ETS1: variants seen among roughly 807,000 people sequenced by gnomAD.
The protein encoded by ETS1 is ETS proto-oncogene 1, transcription factor.
In ETS1, 15 loss-of-function variants were observed where a neutral mutation model predicts 58.6. That is an observed-to-expected ratio of 0.26 (90% CI 0.17 to 0.39). ETS1 has a LOEUF of 0.39. ETS1 is among the 10% of genes least tolerant of loss of function. The probability of loss-of-function intolerance (pLI) is 1.00; values close to 1 mark genes in which losing one functional copy is unlikely to be tolerated. For missense variants in ETS1, 417 were observed against 610.5 expected (o/e 0.68, Z 3.34); for synonymous variants, 214 against 218.2 (o/e 0.98, Z 0.17).
intron 3 of ETS1, among the ~76,000 whole-genome samples, chr11:128,546,468 TA>T (rs1864134341): frequency 1.3e-5 from 2 of 152,176 alleles, no homozygotes; most frequent in African/African-American, 4.8e-5. Context: ...GTCCCTGATA[TA>T]AAATGGTGTA....
At chr11:128,471,325 A>C (rs1034022272) in intron 8 of ETS1, among the ~76,000 whole-genome samples, 1 of 152,244 alleles carries the variant, frequency 6.6e-6, no homozygotes, top group Non-Finnish European at 1.5e-5. Context: ...GTCTGAGAAC[A>C]AGACAGTTAC....
chr11:128,585,617 G>C (rs963343200), intron 1 of ETS1, among the ~76,000 whole-genome samples: 5 of 152,140 alleles, frequency 3.3e-5, no homozygotes, highest in Non-Finnish European at 7.4e-5. Context: ...GAGAGGACCT[G>C]CACCCACACA....
At chr11:128,485,160 G>T in intron 6 of ETS1, 89 bp from the exon 7 acceptor site, 1 of 1,158,986 alleles carries the variant, frequency 8.6e-7, no homozygotes, top group Non-Finnish European at 1.2e-6. Context: ...TATGATGTGG[G>T]ACAAGCTCCT....
chr11:128,583,519 T>C (rs1396698709), intron 1 of ETS1, among the ~76,000 whole-genome samples: 1 of 152,204 alleles, frequency 6.6e-6, no homozygotes, highest in African/African-American at 2.4e-5. Context: ...AAAAGAGTTA[T>C]TTGCATTATA....
intron 3 of ETS1, chr11:128,526,935 A>T (rs1324546912): frequency 4.4e-6 from 2 of 456,162 alleles, no homozygotes; most frequent in South Asian, 1.5e-5. Context: ...TTCCAGGGCC[A>T]CACAATCTAA....
In ETS1 at chr11:128,506,745, C is replaced by A. The variant is rs572445782; in HGVS notation, c.215-16169G>T. 4.6e-5 allele frequency among the ~76,000 whole-genome samples: 7 copies of A among 152,178 alleles called. No homozygotes were observed. In the South Asian group the frequency reaches 8.3e-4, roughly 18 times the overall value. On this transcript the variant is annotated intron_variant, in intron 3 of 9. Transcript: ENST00000392668. Reference sequence around the variant, plus strand: ...CCGCGATGCTCACTGGGAGACCGACCGTGGGAGAGGCTGGGCACGGGCCAT... The same window carrying A: ...CCGCGATGCTCACTGGGAGACCGACAGTGGGAGAGGCTGGGCACGGGCCAT...
At position 128,480,298 on chromosome 11, in the gene ETS1, A is replaced by C; in HGVS notation, c.1016T>G (p.Leu339Arg). 6.2e-7 allele frequency: 1 copy of C among 1,614,140 alleles called. No homozygotes were observed. The highest frequency in any genetic ancestry group is 1.1e-5 in the South Asian group (1 of 91,080). Residue 339 changes from leucine (L) to arginine (R), a missense_variant, in exon 8 of 10, where the codon CTG becomes CGG. Physicochemically the swap from Leu to Arg is moderately radical, Grantham distance 102. Coordinates refer to ENST00000392668, the MANE Select transcript of ETS1 (RefSeq NM_001143820.2). ...GGTGCCCTTGGGCTTGTGGTTGGGC[A>C]GGGCAGCCGGATAGTCCTCTGAGTC... is the stretch of plus-strand genomic sequence containing the variant. The part of the protein sequence containing the change: ...SFDSEDYPAA[L>R]PNHKPKGTFK...
chr11:128,490,749 T>G (rs1862775693), intron 3 of ETS1, among the ~76,000 whole-genome samples, 173 bp from the exon 4 acceptor site: 1 of 148,436 alleles, frequency 6.7e-6, no homozygotes, highest in Admixed American at 6.8e-5. Flanking sequence ...GACGGAGTCT[T>G]GCTCTGTCAC....
At chr11:128,495,549 T>A (rs1862916286) in intron 3 of ETS1, among the ~76,000 whole-genome samples, 1 of 152,228 alleles carries the variant, frequency 6.6e-6, no homozygotes, top group Non-Finnish European at 1.5e-5. Context: ...TGTCCAACCC[T>A]GACTCAACCT....
rs1455296406 is a variant in ETS1 at position 128,573,137 on chromosome 11, C to G, written c.-7G>C. 1 of 1,579,296 alleles carries G rather than the reference C, an allele frequency of 6.3e-7. No homozygotes were observed. The highest frequency in any genetic ancestry group is 8.6e-7 in the Non-Finnish European group (1 of 1,162,106). ...AATCCACAAAGTAGCTCATTCTGCT[C>G]TCAGCACCTGTGTGAGAGAAGGCGT... On this transcript the variant is annotated 5_prime_UTR_variant, in exon 2 of 10. Coordinates refer to ENST00000392668, the MANE Select transcript of ETS1 (RefSeq NM_001143820.2).
intron 3 of ETS1, among the ~76,000 whole-genome samples, chr11:128,523,985 A>G (rs557045437): frequency 6.6e-6 from 1 of 152,332 alleles, no homozygotes; most frequent in South Asian, 2.1e-4. Context: ...GAAGAAGTGA[A>G]CAAATCTAGA....
At chr11:128,562,387 T>A (rs560556527) in intron 2 of ETS1, among the ~76,000 whole-genome samples, 1 of 151,986 alleles carries the variant, frequency 6.6e-6, no homozygotes, top group Non-Finnish European at 1.5e-5. Context: ...CCAGCCTGGG[T>A]GACAGTGTGA....
intron 5 of ETS1, among the ~76,000 whole-genome samples, chr11:128,486,744 C>A (rs1294899945): frequency 1.3e-5 from 2 of 152,198 alleles, no homozygotes; most frequent in Non-Finnish European, 2.9e-5. Flanking sequence ...GAGAGAAGAG[C>A]AACCCAGTCA....
Position 128,485,060 on chromosome 11 carries a change from C to T in ETS1, c.625G>A (p.Glu209Lys), listed in dbSNP as rs1202004221. The T allele has an allele frequency of 3.7e-6, 6 of 1,612,856 alleles. No individual in the cohort carries two copies. The highest frequency in any genetic ancestry group is 5.1e-6 in the Non-Finnish European group (6 of 1,179,154). ...TSDYFISYGI[E>K]HAQCVPPSEF... ...GATGGTGGAACACACTGGGCATGCT[C>T]AATACCATAGCCTGGAAACAAAGGG... The change falls in exon 7 of 10, where the codon GAG (glutamate) becomes AAG (lysine). Residue 209 changes from glutamate to lysine, a missense_variant. Transcript: ENST00000392668.
intron 3 of ETS1, among the ~76,000 whole-genome samples, chr11:128,509,250 G>T (rs1000911892): frequency 6.6e-6 from 1 of 152,190 alleles, no homozygotes; most frequent in Non-Finnish European, 1.5e-5. Context: ...ATCTCCAATT[G>T]AATCAGAGGT....
Position 128,465,662 on chromosome 11 carries a change from T to A in ETS1, c.1124-2035A>T, listed in dbSNP as rs149670402. Among the ~76,000 whole-genome samples the A allele has an allele frequency of 1.5e-4, 23 of 152,280 alleles. No homozygotes were observed. The East Asian group carries it at 3.9e-3, about 26-fold the overall frequency. On this transcript the variant is annotated intron_variant, in intron 8 of 9. Coordinates refer to ENST00000392668, the MANE Select transcript of ETS1 (RefSeq NM_001143820.2). ...GAGAGACATGAAGAAAACCATTCTA[T>A]CCCAAAGCTATGTAAAAGAAGCCTC...
At chr11:128,558,171 G>A (rs1441702219) in intron 2 of ETS1, among the ~76,000 whole-genome samples, 1 of 152,176 alleles carries the variant, frequency 6.6e-6, no homozygotes, top group Non-Finnish European at 1.5e-5. Context: ...GATGTAAGTG[G>A]GACTCAGTGG....
At position 128,464,108 on chromosome 11, in the gene ETS1, G is replaced by T. The variant is rs115141699; in HGVS notation, c.1124-481C>A. ...AGGGAGCCTGTGGCCCCTGATTTGT[G>T]AGTAAGAAGGATCACTATCCTCCGG... On this transcript the variant is annotated intron_variant, in intron 8 of 9. Coordinates refer to ENST00000392668, the MANE Select transcript of ETS1 (RefSeq NM_001143820.2). The surrounding 1 kb of genome is among the most constrained non-coding windows in gnomAD (Gnocchi z 4.1). 5.3e-3 allele frequency among the ~76,000 whole-genome samples: 805 copies of T among 152,020 alleles called. 9 individuals are homozygous for T. The highest frequency in any genetic ancestry group is 0.018 in the African/African-American group (736 of 41,454).
chr11:128,572,967 G>A, intron 2 of ETS1, 95 bp downstream of exon 2: 1 of 926,900 alleles, frequency 1.1e-6, no homozygotes, highest in South Asian at 1.4e-5. Context: ...CAGGTTCCTG[G>A]CTTCTCTGTC....
Sources: allele counts gnomAD v4.1 joint callset (sites outside exome capture counted in the v4.1 genomes callset), GRCh38; gene constraint gnomAD v4.1.1; non-coding constraint Gnocchi (gnomAD v3.1); transcripts MANE v1.5; gene names NCBI Gene and HGNC (gene_info 2026-07-23, HGNC 2026-07-21).